Variants in MCF2L observed in about 807,000 individuals in gnomAD.
MCF2L encodes the protein guanine nucleotide exchange factor DBS.
A neutral mutation model predicts 153.4 loss-of-function variants in MCF2L; 97 were observed. The ratio of observed to expected loss-of-function variants is 0.63; its 90% confidence interval spans 0.54 to 0.75. MCF2L has a LOEUF of 0.75. Among genes scored for constraint, MCF2L ranks in the 30% least tolerant of loss-of-function variants. The pLI, the probability that MCF2L is intolerant of heterozygous loss-of-function variation, is 0.00. For missense variants in MCF2L, 1,347 were observed against 1,495.2 expected (o/e 0.90, Z 1.64); for synonymous variants, 659 against 632.2 (o/e 1.04, Z -0.64).
chr13:113,020,330 G>C (rs1013019838), intron 2 of MCF2L, among the ~76,000 whole-genome samples: 1 of 152,212 alleles, frequency 6.6e-6, no homozygotes, highest in African/African-American at 2.4e-5. Flanking sequence ...AGAAAACAAA[G>C]CAGGACACAC....
intron 5 of MCF2L, chr13:113,063,734 G>C (rs2031924962): frequency 2.4e-6 from 1 of 417,284 alleles, no homozygotes; most frequent in East Asian, 7.1e-5. Flanking sequence ...GAGGTGCCGG[G>C]GCCACTGTTC....
At chr13:113,033,318 CTGTGGCGTGAGTGG>C (rs2085890931) in intron 3 of MCF2L, among the ~76,000 whole-genome samples, 1 of 119,144 alleles carries the variant, frequency 8.4e-6, no homozygotes, top group Non-Finnish European at 1.7e-5. Flanking sequence ...TGAGTGGCCC[CTGTGGCGTGAGTGG>C]CCCCCGTGAC....
chr13:113,094,439 G>C, intron 26 of MCF2L, 75 bp from the exon 27 acceptor site: 1 of 1,500,468 alleles, frequency 6.7e-7, no homozygotes, highest in Non-Finnish European at 8.9e-7. Flanking sequence ...GTGGGACTTA[G>C]CTGACCCCAC....
chr13:113,015,903 A>G (rs566516059), intron 2 of MCF2L, among the ~76,000 whole-genome samples: 1 of 152,258 alleles, frequency 6.6e-6, no homozygotes, highest in African/African-American at 2.4e-5. Context: ...ATGGCTCAAG[A>G]GAGGCGCCGT....
intron 17 of MCF2L, among the ~76,000 whole-genome samples, chr13:113,083,233 C>T (rs2034318813): frequency 6.6e-6 from 1 of 152,158 alleles, no homozygotes. Context: ...GAGTGGCTCC[C>T]ATGCGGCCAT....
At chr13:112,919,900 C>A (rs2081335773) in intron 2 of MCF2L, among the ~76,000 whole-genome samples, 1 of 152,228 alleles carries the variant, frequency 6.6e-6, no homozygotes, top group Non-Finnish European at 1.5e-5. Context: ...AGTGTAATTT[C>A]TCTTCCCTCA....
intron 1 of MCF2L, among the ~76,000 whole-genome samples, chr13:113,007,592 G>C (rs1477168683): frequency 6.6e-6 from 1 of 152,262 alleles, no homozygotes; most frequent in Non-Finnish European, 1.5e-5. Flanking sequence ...CCATGAACTA[G>C]AATTAAGAGC....
In MCF2L at chr13:113,096,775, G is replaced by A; in HGVS notation, c.3294G>A (p.Glu1098=). Residue 1098 remains glutamate, a splice_region_variant and synonymous_variant, in exon 30 of 30, where the codon GAG becomes GAA. Coordinates refer to ENST00000535094, the MANE Select transcript of MCF2L (RefSeq NM_001112732.3). Reference sequence around the variant, plus strand: ...CGTCCCCGCCTGATCTCCCCGCAGAGTCGAGCCCGGGGTCGGCCGTGCTGA... The same window carrying A: ...CGTCCCCGCCTGATCTCCCCGCAGAATCGAGCCCGGGGTCGGCCGTGCTGA... ...SGSAQCLSSS[E]SSPGSAVLSN... is the part of the protein sequence containing the mutation. The A allele has an allele frequency of 6.4e-7, 1 of 1,567,738 alleles. No individual in the cohort carries two copies. Among genetic ancestry groups the A allele is most frequent in the East Asian group, 2.4e-5 (1 of 41,824 alleles).
At chr13:113,005,604 G>A (rs1207953606) in intron 1 of MCF2L, among the ~76,000 whole-genome samples, 1 of 151,932 alleles carries the variant, frequency 6.6e-6, no homozygotes, top group Non-Finnish European at 1.5e-5. Flanking sequence ...GACCATGGTT[G>A]GTTCTGGGTG....
chr13:113,040,404 G>A (rs1023801146), intron 3 of MCF2L: 4 of 152,986 alleles, frequency 2.6e-5, no homozygotes, highest in African/African-American at 4.9e-5. Flanking sequence ...TGTGCAGGGA[G>A]GGCCTTCCTG....
intron 4 of MCF2L, among the ~76,000 whole-genome samples, chr13:113,059,794 G>A (rs900258336): frequency 6.6e-6 from 1 of 152,256 alleles, no homozygotes; most frequent in Admixed American, 6.5e-5. Flanking sequence ...AAGAGGCAGA[G>A]CCAGTTTCCA....
intron 2 of MCF2L, among the ~76,000 whole-genome samples, chr13:112,930,697 G>A (rs545414791): frequency 1.8e-4 from 28 of 152,334 alleles, no homozygotes; most frequent in African/African-American, 6.5e-4. Context: ...AGCACTGTGG[G>A]AGGCTGAGGA....
intron 2 of MCF2L, among the ~76,000 whole-genome samples, chr13:112,937,004 C>T (rs2081521496): frequency 6.6e-6 from 1 of 152,166 alleles, no homozygotes; most frequent in African/African-American, 2.4e-5. Flanking sequence ...TATGACTGTT[C>T]TCAGTCACTG....
chr13:113,080,190 G>A (rs555285387), intron 15 of MCF2L, among the ~76,000 whole-genome samples: 5 of 141,644 alleles, frequency 3.5e-5, no homozygotes, highest in African/African-American at 1.3e-4. Flanking sequence ...TCCAGGCAGG[G>A]GGGCATCCGC....
intron 4 of MCF2L, 28 bp from the exon 5 acceptor site, chr13:113,060,565 G>A (rs1425112365): frequency 6.2e-7 from 1 of 1,610,204 alleles, no homozygotes; most frequent in Non-Finnish European, 8.5e-7. Flanking sequence ...GCACGCTGCA[G>A]GCCCTTGTCT....
Position 113,089,783 on chromosome 13 carries a change from C to T in MCF2L, c.2953+55C>T, listed in dbSNP as rs370428997. 134 of 1,596,958 alleles carry T rather than the reference C, an allele frequency of 8.4e-5. 1 individual carries two copies. The African/African-American group carries it at 1.6e-3, about 19-fold the overall frequency. ...CGGAGGCCTCACACGGAGCTGCTCA[C>T]GGAGTGCTCACTGCATCCGAGAAAC... is the stretch of plus-strand genomic sequence containing the variant. On this transcript the variant is annotated intron_variant, in intron 26 of 29. Transcript: ENST00000535094.
intron 2 of MCF2L, among the ~76,000 whole-genome samples, chr13:112,930,421 G>C (rs1188760154): frequency 6.6e-6 from 1 of 152,194 alleles, no homozygotes; most frequent in African/African-American, 2.4e-5. Flanking sequence ...TTATTGCCAA[G>C]AGGAAGAAGC....
intron 15 of MCF2L, among the ~76,000 whole-genome samples, chr13:113,080,628 T>C (rs1464238649): frequency 6.6e-6 from 1 of 152,210 alleles, no homozygotes; most frequent in African/African-American, 2.4e-5. Flanking sequence ...CACCCTCCCC[T>C]TCTGGATCCA....
At chr13:113,084,360 C>A (rs957548189) in intron 18 of MCF2L, among the ~76,000 whole-genome samples, 4 of 107,560 alleles carry the variant, frequency 3.7e-5, no homozygotes, top group Non-Finnish European at 6.5e-5. Flanking sequence ...ACCTTCTGTA[C>A]CCCCAGAACC....
Sources: gnomAD v4.1 joint callset for allele counts (sites outside exome capture counted in the v4.1 genomes callset) on GRCh38, gnomAD v4.1.1 for gene constraint, MANE v1.5 for transcripts, NCBI Gene and HGNC (gene_info 2026-07-23, HGNC 2026-07-21) for gene names.